Variants in ANK1 observed in about 807,000 individuals in gnomAD.
The protein encoded by ANK1 is ankyrin 1, also known as ankyrin-1.
In ANK1, 51 loss-of-function variants were observed where a neutral mutation model predicts 210.4. The ratio of observed to expected loss-of-function variants is 0.24; its 90% CI spans 0.19 to 0.31. The LOEUF (loss-of-function observed/expected upper bound fraction) is 0.31, where lower values mean the gene tolerates loss of function less well. Ranked by LOEUF, ANK1 falls within the 10% of genes least tolerant of loss-of-function variation. The probability of loss-of-function intolerance (pLI) is 1.00; values close to 1 mark genes in which losing one functional copy is unlikely to be tolerated. For synonymous variants in ANK1, 967 were observed against 1,025.9 expected (o/e 0.94, Z 1.10); for missense variants, 2,051 against 2,504.4 (o/e 0.82, Z 3.86).
At chr8:41,774,736 C>A (rs1466762363) in intron 1 of ANK1, among the ~76,000 whole-genome samples, 1 of 152,216 alleles carries the variant, frequency 6.6e-6, no homozygotes, top group African/African-American at 2.4e-5. Flanking sequence ...CAAGTGCACC[C>A]GCATCACCAA....
chr8:41,727,475 TA>T (rs1831005921), intron 4 of ANK1, 127 bp from the exon 5 acceptor site: 2 of 749,282 alleles, frequency 2.7e-6, no homozygotes, highest in Middle Eastern at 2.5e-4. Context: ...TGACCCCTCC[TA>T]AGGAAACTCA....
Position 41,883,206 on chromosome 8 carries a change from C to T in ANK1, c.126+13149G>A, listed in dbSNP as rs1379623591. ...GATTCCTCCCCATATCAACCCACAA[C>T]ATGGTCAGCATGGGGGCAATGAGAT... On this transcript the variant is annotated intron_variant, in intron 1 of 42. Transcript: ENST00000265709. Among the ~76,000 whole-genome samples the T allele has an allele frequency of 3.3e-5, 5 of 152,218 alleles. No homozygotes were observed. In the East Asian group the frequency reaches 7.7e-4, roughly 23 times the overall value.
At chr8:41,839,423 A>G (rs1808423729) in intron 1 of ANK1, among the ~76,000 whole-genome samples, 1 of 152,268 alleles carries the variant, frequency 6.6e-6, no homozygotes, top group Middle Eastern at 3.2e-3. Flanking sequence ...CCTAAGCTGC[A>G]GTGGGCTCAG....
At position 41,660,605 on chromosome 8, in the gene ANK1, A is replaced by C. The variant is rs564528667; in HGVS notation, c.*36+825T>G. The C allele has an allele frequency of 1.4e-5, 6 of 442,470 alleles. No individual in the cohort carries two copies. In the Admixed American group the frequency reaches 1.9e-4, roughly 14 times the overall value. 27.4% of individuals were successfully genotyped at this position (442,470 alleles called of 1,614,324 possible). ...CACAGCGTCTTCATGTCCCTTCCTC[A>C]TGGCACGGCACGGCACGGCATGCCC... On this transcript the variant is annotated intron_variant, in intron 42 of 42. Transcript: ENST00000289734.
chr8:41,828,614 A>C (rs1587264709), intron 1 of ANK1: 1 of 154,292 alleles, frequency 6.5e-6, no homozygotes, highest in East Asian at 1.9e-4. Context: ...CAGTTCCTGG[A>C]ACAGTAGCAC....
At chr8:41,850,061 A>T (rs970005055) in intron 1 of ANK1, among the ~76,000 whole-genome samples, 4 of 152,016 alleles carry the variant, frequency 2.6e-5, no homozygotes, top group Non-Finnish European at 5.9e-5. Flanking sequence ...CACACATGAG[A>T]TCCTCACCCT....
At chr8:41,876,026 CGCAGGTTCGCG>C (rs1480421894) in intron 1 of ANK1, among the ~76,000 whole-genome samples, 1 of 151,968 alleles carries the variant, frequency 6.6e-6, no homozygotes, top group African/African-American at 2.4e-5. Flanking sequence ...CCCGCGACCT[CGCAGGTTCGCG>C]GCCCGCAACC....
At chr8:41,727,780 G>T in intron 4 of ANK1, 128 bp downstream of exon 4, 1 of 860,266 alleles carries the variant, frequency 1.2e-6, no homozygotes, top group South Asian at 1.4e-5. Context: ...ATGCTCCTGA[G>T]AAATCTAGGC....
chr8:41,741,730 G>T (rs532636466), intron 2 of ANK1, among the ~76,000 whole-genome samples: 9 of 152,152 alleles, frequency 5.9e-5, no homozygotes, highest in Admixed American at 2.0e-4. Context: ...CCTCAGGCAG[G>T]CATGAGATGG....
chr8:41,787,035 T>C (rs1165433200), intron 1 of ANK1, among the ~76,000 whole-genome samples: 1 of 152,190 alleles, frequency 6.6e-6, no homozygotes, highest in Non-Finnish European at 1.5e-5. Flanking sequence ...CCACTCCACA[T>C]GTATTTATTT....
In ANK1 at chr8:41,694,636, A is replaced by G; in HGVS notation, c.3283T>C (p.Phe1095Leu). 1.9e-6 allele frequency: 3 copies of G among 1,614,050 alleles called. No individual in the cohort carries two copies. The highest frequency in any genetic ancestry group is 2.5e-6 in the Non-Finnish European group (3 of 1,180,004). The part of the protein sequence containing the change: ...SKLVPLVQAT[F>L]PENAVTKRVK... ...CTCTTGGTGACGGCATTCTCCGGGAACGTTGCCTGTACCAGGGGCACCAGC... is the reference window on the plus strand; with the variant it reads ...CTCTTGGTGACGGCATTCTCCGGGAGCGTTGCCTGTACCAGGGGCACCAGC... The change falls in exon 28 of 43, where the codon TTC (phenylalanine) becomes CTC (leucine). Residue 1095 changes from phenylalanine to leucine, a missense_variant. Around this residue, in one of 6 missense-constraint regions of ANK1, gnomAD observed 1,413 missense variants for 1,707.4 expected, o/e 0.83. Coordinates refer to ENST00000289734, the MANE Select transcript of ANK1 (RefSeq NM_000037.4). This position sits in a 1 kb window ranked among gnomAD's most constrained non-coding sequence, Gnocchi z 5.7.
chr8:41,710,920 T>G lies in ANK1; in HGVS notation c.1801-1945A>C, dbSNP rs367543431. 3.4e-4 allele frequency among the ~76,000 whole-genome samples: 52 copies of G among 152,354 alleles called. 1 individual carries two copies. In the Middle Eastern group the frequency reaches 0.014, roughly 40 times the overall value. Reference sequence around the variant, plus strand: ...GTGGCTTTTGTGGTGAAACGAAAAGTTGAGACTTACCCAAGGAATTGAATT... The same window carrying G: ...GTGGCTTTTGTGGTGAAACGAAAAGGTGAGACTTACCCAAGGAATTGAATT... On this transcript the variant is annotated intron_variant, in intron 16 of 42. Coordinates refer to ENST00000289734, the MANE Select transcript of ANK1 (RefSeq NM_000037.4).
At chr8:41,801,760 G>A (rs1384748834), upstream of ANK1, among the ~76,000 whole-genome samples, 6 of 152,012 alleles carry the variant, frequency 3.9e-5, no homozygotes, top group Admixed American at 6.6e-5. Flanking sequence ...GTCTGAATAC[G>A]AATCATTTTT....
Position 41,706,233 on chromosome 8 carries a change from G to A in ANK1, c.2007C>T (p.Leu669=). The change falls in exon 18 of 43, where the codon CTC becomes CTT. Residue 669 remains leucine (L), a synonymous_variant. Coordinates refer to ENST00000289734, the MANE Select transcript of ANK1 (RefSeq NM_000037.4). ...ANGNLGNKSG[L]TPLHLVAQEG... ...CTTGTGCTACCAGATGGAGGGGAGTGAGTCCGCTCTGCAAAGAAAAAGACG... is the reference window on the plus strand; with the variant it reads ...CTTGTGCTACCAGATGGAGGGGAGTAAGTCCGCTCTGCAAAGAAAAAGACG... The A allele has an allele frequency of 6.2e-7, 1 of 1,614,048 alleles. No homozygotes were observed. The highest frequency in any genetic ancestry group is 8.5e-7 in the Non-Finnish European group (1 of 1,179,946).
chr8:41,802,233 G>A (rs1299559986), upstream of ANK1, among the ~76,000 whole-genome samples: 1 of 152,098 alleles, frequency 6.6e-6, no homozygotes, highest in East Asian at 1.9e-4. Flanking sequence ...CAAGTGATCT[G>A]CCCACCTTGG....
chr8:41,768,482 C>A (rs1842334677), intron 1 of ANK1, among the ~76,000 whole-genome samples: 1 of 152,198 alleles, frequency 6.6e-6, no homozygotes, highest in Non-Finnish European at 1.5e-5. Flanking sequence ...ATCCTCACAG[C>A]CACCCATAAG....
In ANK1 at chr8:41,880,783, T is replaced by C. The variant is rs373123884; in HGVS notation, c.126+15572A>G. On this transcript the variant is annotated intron_variant, in intron 1 of 42. Coordinates refer to the ANK1 transcript ENST00000265709. Reference sequence around the variant, plus strand: ...CTTCTGCATCCAAACTCAAGCTCCCTGGCAGGCTTCTCCCCCGGCAGAGGC... The same window carrying C: ...CTTCTGCATCCAAACTCAAGCTCCCCGGCAGGCTTCTCCCCCGGCAGAGGC... Among the ~76,000 whole-genome samples the C allele has an allele frequency of 2.0e-4, 31 of 152,366 alleles. 1 individual carries two copies. Among genetic ancestry groups the C allele is most frequent in the African/African-American group, 7.0e-4 (29 of 41,590 alleles).
rs200468927 is a variant in ANK1, at chr8:41,805,243, CTT to C, written c.127-47108_127-47107del. Among the ~76,000 whole-genome samples, 1,267 of 151,026 alleles carry C rather than the reference CTT, an allele frequency of 8.4e-3. 8 individuals are homozygous for C. The highest frequency in any genetic ancestry group is 0.014 in the Non-Finnish European group (939 of 67,620). On this transcript the variant is annotated intron_variant, in intron 1 of 42. Transcript: ENST00000265709. ...TCTCTCTGTCTCTCTCTCTTTGTCT[CTT>C]TCTCTCTCTCTCTCTCTCTCTGATT... is the stretch of plus-strand genomic sequence containing the variant.
intron 2 of ANK1, among the ~76,000 whole-genome samples, chr8:41,738,408 T>C (rs1435573207): frequency 1.3e-5 from 2 of 152,194 alleles, no homozygotes; most frequent in Non-Finnish European, 2.9e-5. Flanking sequence ...CACCACCATC[T>C]AGCAGCGGAA....
Sources: allele counts gnomAD v4.1 joint callset (sites outside exome capture counted in the v4.1 genomes callset), GRCh38; gene constraint gnomAD v4.1.1; regional missense constraint gnomAD v4.1.1; non-coding constraint Gnocchi (gnomAD v3.1); transcripts MANE v1.5; gene names NCBI Gene and HGNC (gene_info 2026-07-23, HGNC 2026-07-21).